NDST3: variants seen among roughly 807,000 people sequenced by gnomAD.
NDST3 encodes the protein N-deacetylase and N-sulfotransferase 3.
A neutral mutation model predicts 96.1 loss-of-function variants in NDST3; 58 were observed. That is an observed-to-expected ratio of 0.60 (90% confidence interval 0.49 to 0.75). NDST3 has a LOEUF of 0.75. Among genes scored for constraint, NDST3 ranks in the 30% least tolerant of loss-of-function variants. The pLI is 0.00. For missense variants in NDST3, 788 were observed against 1,034.2 expected, an observed-to-expected ratio of 0.76 and a Z score of 3.27; for synonymous variants, 333 against 359.7, an observed-to-expected ratio of 0.93 and a Z score of 0.84.
chr4:118,102,662 C>T (rs1316110474), intron 2 of NDST3, among the ~76,000 whole-genome samples: 2 of 151,860 alleles, frequency 1.3e-5, no homozygotes, highest in Admixed American at 6.6e-5. Flanking sequence ...TTGCTGGGTA[C>T]TTAAGCTTTT....
intron 2 of NDST3, among the ~76,000 whole-genome samples, chr4:118,069,144 A>T (rs72621814): frequency 4.6e-5 from 2 of 43,500 alleles, no homozygotes; most frequent in African/African-American, 6.7e-5. Context: ...TGTGCATCAG[A>T]TCAGTCAGAA....
At chr4:118,114,985 G>T in intron 4 of NDST3, 25 bp downstream of exon 4, 3 of 1,611,164 alleles carry the variant, frequency 1.9e-6, no homozygotes, top group Non-Finnish European at 2.5e-6. Flanking sequence ...TTGTTGCATT[G>T]AAGTAGTGTA....
At chr4:118,043,025 T>C (rs1724556910) in intron 1 of NDST3, among the ~76,000 whole-genome samples, 1 of 152,218 alleles carries the variant, frequency 6.6e-6, no homozygotes, top group South Asian at 2.1e-4. Flanking sequence ...AAAGGATTAT[T>C]CCTAATATCC....
At chr4:118,164,004 C>A (rs978521389) in intron 6 of NDST3, among the ~76,000 whole-genome samples, 2 of 152,026 alleles carry the variant, frequency 1.3e-5, no homozygotes. Flanking sequence ...TAGATACATA[C>A]CCAAAGGAAT....
chr4:118,179,318 T>C (rs1736456821), intron 6 of NDST3, among the ~76,000 whole-genome samples: 1 of 152,068 alleles, frequency 6.6e-6, no homozygotes, highest in African/African-American at 2.4e-5. Flanking sequence ...TCACATATTT[T>C]TAACATTAGT....
intron 2 of NDST3, among the ~76,000 whole-genome samples, chr4:118,088,734 C>G (rs1257377180): frequency 6.6e-6 from 1 of 151,954 alleles, no homozygotes; most frequent in Admixed American, 6.6e-5. Context: ...CTTTCTAAGC[C>G]AGTGTGCGTA....
At position 118,233,020 on chromosome 4, in the gene NDST3, G is replaced by A. The variant is rs776376607; in HGVS notation, c.1828G>A (p.Ala610Thr). Residue 610 changes from alanine to threonine, a missense_variant, in exon 9 of 14, where the codon GCT becomes ACT. Transcript: ENST00000296499. Reference sequence around the variant, plus strand: ...CTCTATTGTCTTTCTAGGTACCACTGCTTTGTATTTGTTCCTGGTTATGCA... The same window carrying A: ...CTCTATTGTCTTTCTAGGTACCACTACTTTGTATTTGTTCCTGGTTATGCA... The part of the protein sequence containing the change: ...VIGPQKTGTT[A>T]LYLFLVMHPS... The A allele has an allele frequency of 1.9e-6, 3 of 1,611,894 alleles. No individual in the cohort carries two copies. The highest frequency in any genetic ancestry group is 1.7e-5 in the Admixed American group (1 of 59,922).
intron 2 of NDST3, among the ~76,000 whole-genome samples, chr4:118,094,331 A>G (rs1729122791): frequency 6.6e-6 from 1 of 151,826 alleles, no homozygotes; most frequent in Admixed American, 6.6e-5. Flanking sequence ...ATTTCATCCC[A>G]TCAAACTTAT....
intron 6 of NDST3, among the ~76,000 whole-genome samples, chr4:118,174,987 G>A (rs1736185302): frequency 6.6e-6 from 1 of 152,006 alleles, no homozygotes; most frequent in South Asian, 2.1e-4. Context: ...AAGATTAACA[G>A]CCAAAATCCA....
At chr4:118,237,011 A>G (rs1428371500) in intron 9 of NDST3, 35 bp from the exon 10 acceptor site, 1 of 1,511,948 alleles carries the variant, frequency 6.6e-7, no homozygotes, top group Non-Finnish European at 9.0e-7. Context: ...AGTATAAACC[A>G]GAATCTTATT....
chr4:118,111,438 C>G (rs992830366), intron 3 of NDST3, among the ~76,000 whole-genome samples: 7 of 151,882 alleles, frequency 4.6e-5, no homozygotes, highest in African/African-American at 1.5e-4. Context: ...CAAAGGTGGG[C>G]AAAGTAGGGA....
At chr4:118,168,260 A>G (rs1396069098) in intron 6 of NDST3, among the ~76,000 whole-genome samples, 1 of 152,038 alleles carries the variant, frequency 6.6e-6, no homozygotes, top group African/African-American at 2.4e-5. Flanking sequence ...AAAGTAAACA[A>G]AGAACTTGAA....
intron 6 of NDST3, among the ~76,000 whole-genome samples, chr4:118,189,898 T>A (rs893412047): frequency 2.6e-5 from 4 of 152,170 alleles, no homozygotes; most frequent in Non-Finnish European, 5.9e-5. Flanking sequence ...ATTTGTCATC[T>A]TTCGACCACA....
chr4:118,062,647 T>C (rs933749943), intron 2 of NDST3, among the ~76,000 whole-genome samples: 15 of 150,916 alleles, frequency 9.9e-5, no homozygotes, highest in Non-Finnish European at 1.8e-4. Context: ...TAATTTAACA[T>C]GGCGAAATCA....
chr4:118,174,811 A>C (rs1469004720), intron 6 of NDST3, among the ~76,000 whole-genome samples: 2 of 152,122 alleles, frequency 1.3e-5, no homozygotes, highest in Admixed American at 6.6e-5. Context: ...CCTTGAGTTA[A>C]TCTTCGGTAG....
At chr4:118,079,479 C>G (rs772447354) in intron 2 of NDST3, among the ~76,000 whole-genome samples, 7 of 152,048 alleles carry the variant, frequency 4.6e-5, no homozygotes, top group African/African-American at 7.2e-5. Context: ...AAGAAACAGG[C>G]CCTATTATGA....
intron 6 of NDST3, among the ~76,000 whole-genome samples, chr4:118,144,137 G>A (rs1275559906): frequency 1.3e-5 from 2 of 151,808 alleles, no homozygotes; most frequent in Non-Finnish European, 2.9e-5. Context: ...TGTTAGATTC[G>A]TCTTGCTAGG....
chr4:118,169,621 C>T (rs544316150), intron 6 of NDST3, among the ~76,000 whole-genome samples: 1 of 150,240 alleles, frequency 6.7e-6, no homozygotes, highest in Non-Finnish European at 1.5e-5. Flanking sequence ...TGGCAAAACC[C>T]CGTCTTTACT....
At chr4:118,238,146 AAAAGAAAGAAAAGAAAG>A (rs1560738428) in intron 10 of NDST3, among the ~76,000 whole-genome samples, 1 of 83,734 alleles carries the variant, frequency 1.2e-5, no homozygotes, top group Non-Finnish European at 3.0e-5. Context: ...AGAGAGAGAG[AAAAGAAAGAAAAGAAAG>A]AAAGAAAGAA....
Sources: gnomAD v4.1 joint callset for allele counts (sites outside exome capture counted in the v4.1 genomes callset) on GRCh38, gnomAD v4.1.1 for gene constraint, MANE v1.5 for transcripts, NCBI Gene and HGNC (gene_info 2026-07-23, HGNC 2026-07-21) for gene names.